Variants in SLCO2A1 observed in about 807,000 individuals in gnomAD.
The protein encoded by SLCO2A1 is matrin F/G 1.
Under a neutral mutation model 71.7 loss-of-function variants are expected in SLCO2A1, and 60 were observed. The ratio of observed to expected loss-of-function variants is 0.84; its 90% CI spans 0.68 to 1.04. SLCO2A1 has a LOEUF of 1.04. SLCO2A1 is among the 50% of genes least tolerant of loss of function. The probability of loss-of-function intolerance (pLI) is 0.00; values close to 1 mark genes in which losing one functional copy is unlikely to be tolerated. For synonymous variants in SLCO2A1, 308 were observed against 326.7 expected, an observed-to-expected ratio of 0.94 and a Z score of 0.62; for missense variants, 745 against 813.4, an observed-to-expected ratio of 0.92 and a Z score of 1.02.
chr3:133,998,493 C>A (rs1419851334), intron 1 of SLCO2A1, among the ~76,000 whole-genome samples: 1 of 152,154 alleles, frequency 6.6e-6, no homozygotes, highest in East Asian at 1.9e-4. Context: ...GCGCTCCTGT[C>A]CACACTGGCC....
intron 1 of SLCO2A1, among the ~76,000 whole-genome samples, chr3:133,998,324 G>A (rs113155405): frequency 5.3e-5 from 8 of 152,196 alleles, no homozygotes; most frequent in East Asian, 3.9e-4. Flanking sequence ...TCCTTAATTC[G>A]TCTGTTACTC....
intron 1 of SLCO2A1, among the ~76,000 whole-genome samples, chr3:133,983,193 G>T (rs1186779658): frequency 6.6e-6 from 1 of 152,138 alleles, no homozygotes; most frequent in Non-Finnish European, 1.5e-5. Context: ...AATCTGGCTG[G>T]CTCTTTCTCC....
chr3:134,029,716 G>T lies in SLCO2A1; in HGVS notation c.87C>A (p.Gly29=). 1 of 1,588,674 alleles carries T rather than the reference G, an allele frequency of 6.3e-7. No individual in the cohort carries two copies. Residue 29 remains glycine (G), a synonymous_variant, in exon 1 of 14, where the codon GGC becomes GGA. Coordinates refer to ENST00000310926, the MANE Select transcript of SLCO2A1 (RefSeq NM_005630.3). ...CGCGGACTCCGCTCACCTTAATGTT[G>T]CCGAAGACCGAGCGGGCACAGCGGC... ...RAGRCARSVF[G]NIKVFVLCQG...
intron 1 of SLCO2A1, among the ~76,000 whole-genome samples, chr3:133,995,555 T>C (rs1934947396): frequency 6.6e-6 from 1 of 152,236 alleles, no homozygotes; most frequent in African/African-American, 2.4e-5. Context: ...TCCATCTTCC[T>C]GGTAGTAAAG....
chr3:133,959,029 A>T (rs28674769), intron 3 of SLCO2A1, among the ~76,000 whole-genome samples: 2 of 152,094 alleles, frequency 1.3e-5, no homozygotes, highest in African/African-American at 4.8e-5. Flanking sequence ...GCAAAGAATC[A>T]GCCTCTGTTC....
At chr3:133,977,340 T>C (rs958244020) in intron 2 of SLCO2A1, among the ~76,000 whole-genome samples, 1 of 152,232 alleles carries the variant, frequency 6.6e-6, no homozygotes, top group Non-Finnish European at 1.5e-5. Flanking sequence ...ACTCCATCCC[T>C]GGGAAAATAT....
At chr3:133,984,527 C>T (rs1934664607) in intron 1 of SLCO2A1, among the ~76,000 whole-genome samples, 1 of 152,162 alleles carries the variant, frequency 6.6e-6, no homozygotes, top group African/African-American at 2.4e-5. Context: ...CTGTCAGGGC[C>T]ACTCAGGGTC....
chr3:133,988,265 CT>C (rs1934759863), intron 1 of SLCO2A1, among the ~76,000 whole-genome samples: 1 of 152,192 alleles, frequency 6.6e-6, no homozygotes, highest in African/African-American at 2.4e-5. Context: ...TACTTGAAGG[CT>C]TCCTCTGCAA....
intron 2 of SLCO2A1, among the ~76,000 whole-genome samples, chr3:133,974,117 T>C (rs1192628512): frequency 1.3e-5 from 2 of 152,200 alleles, no homozygotes; most frequent in African/African-American, 4.8e-5. Flanking sequence ...ACCTAAACTT[T>C]AACCATCTTA....
At chr3:133,945,578 G>A (rs1299832856) in intron 9 of SLCO2A1, among the ~76,000 whole-genome samples, 2 of 152,190 alleles carry the variant, frequency 1.3e-5, no homozygotes, top group Admixed American at 6.5e-5. Flanking sequence ...AAGGGCAGCT[G>A]CAATGGGCAG....
chr3:133,936,163 G>T (rs1933265839), intron 12 of SLCO2A1, among the ~76,000 whole-genome samples: 1 of 152,172 alleles, frequency 6.6e-6, no homozygotes, highest in Non-Finnish European at 1.5e-5. Context: ...TGCCGGCTCA[G>T]ACATCCAACA....
intron 2 of SLCO2A1, among the ~76,000 whole-genome samples, chr3:133,976,790 C>T (rs1233042505): frequency 1.3e-5 from 2 of 152,108 alleles, no homozygotes; most frequent in African/African-American, 2.4e-5. Flanking sequence ...TGGTGGGTGG[C>T]GTGAAGGGCA....
chr3:134,015,267 G>A (rs916983815), intron 1 of SLCO2A1, among the ~76,000 whole-genome samples: 1 of 152,154 alleles, frequency 6.6e-6, no homozygotes, highest in African/African-American at 2.4e-5. Flanking sequence ...TTTTAAAAGG[G>A]GGAAATCTTG....
chr3:134,000,434 C>A (rs1935084630), intron 1 of SLCO2A1, among the ~76,000 whole-genome samples: 1 of 152,090 alleles, frequency 6.6e-6, no homozygotes, highest in Non-Finnish European at 1.5e-5. Context: ...AAGCTAGGCA[C>A]CTTCTGACCA....
intron 1 of SLCO2A1, among the ~76,000 whole-genome samples, chr3:134,005,326 C>A (rs1935183732): frequency 6.6e-6 from 1 of 152,038 alleles, no homozygotes; most frequent in South Asian, 2.1e-4. Flanking sequence ...TCTTCTATTA[C>A]ATCTTCTTCT....
At chr3:133,976,832 G>T (rs188513783) in intron 2 of SLCO2A1, among the ~76,000 whole-genome samples, 218 of 152,274 alleles carry the variant, frequency 1.4e-3, no homozygotes, top group Middle Eastern at 3.4e-3. Flanking sequence ...CTAGCCTTTC[G>T]TAGTGGACAA....
chr3:133,934,434 C>T lies in SLCO2A1; in HGVS notation c.*279G>A, dbSNP rs373985229. 3.4e-6 allele frequency: 1 copy of T among 296,180 alleles called. No individual in the cohort carries two copies. Among genetic ancestry groups the T allele is most frequent in the African/African-American group, 2.2e-5 (1 of 46,160 alleles). 18.3% of individuals were successfully genotyped at this position (296,180 alleles called of 1,614,324 possible). The stretch of plus-strand genomic sequence containing the variant: ...CAGTGGGCATCCTCAATGGAGGACT[C>T]AACACTGAAGTGAGCCTGGGCATCT... On this transcript the variant is annotated 3_prime_UTR_variant, in exon 14 of 14. Transcript: ENST00000310926.
intron 1 of SLCO2A1, among the ~76,000 whole-genome samples, chr3:133,993,253 T>C (rs1436703799): frequency 6.6e-6 from 1 of 151,914 alleles, no homozygotes; most frequent in Non-Finnish European, 1.5e-5. Context: ...CCAGTTCCCG[T>C]GCACTCCAGT....
intron 1 of SLCO2A1, chr3:133,998,526 C>T (rs771330846): frequency 6.6e-6 from 1 of 152,384 alleles, no homozygotes; most frequent in Non-Finnish European, 1.5e-5. Flanking sequence ...CTGGAGGGTT[C>T]TGACTGTTCA....
Sources: gnomAD v4.1 joint callset for allele counts (sites outside exome capture counted in the v4.1 genomes callset) on GRCh38, gnomAD v4.1.1 for gene constraint, MANE v1.5 for transcripts, NCBI Gene and HGNC (gene_info 2026-07-23, HGNC 2026-07-21) for gene names.